Variants in SPATA7 observed in about 807,000 individuals in gnomAD.
SPATA7 encodes the protein spermatogenesis associated 7.
A neutral mutation model predicts 51.8 loss-of-function variants in SPATA7; 43 were observed. The ratio of observed to expected loss-of-function variants is 0.83; its 90% confidence interval spans 0.65 to 1.07. SPATA7 has a LOEUF of 1.07. SPATA7 is among the 50% of genes least tolerant of loss of function. SPATA7 has a pLI of 0.00. For synonymous variants in SPATA7, 230 were observed against 252.8 expected (o/e 0.91, Z 0.86); for missense variants, 683 against 701.3 (o/e 0.97, Z 0.30).
intron 4 of SPATA7, chr14:88,467,529 A>G (rs2077383402): frequency 6.6e-6 from 1 of 152,292 alleles, no homozygotes; most frequent in Non-Finnish European, 1.5e-5. Flanking sequence ...TCTGGATAGA[A>G]AAATCCTTTT....
At chr14:88,408,163 T>G (rs1041552626) in intron 4 of SPATA7, among the ~76,000 whole-genome samples, 4 of 152,208 alleles carry the variant, frequency 2.6e-5, no homozygotes, top group Middle Eastern at 3.2e-3. Flanking sequence ...AATGGTAGTT[T>G]GATGGGGATA....
At chr14:88,442,673 C>T (rs1469217741), downstream of SPATA7, among the ~76,000 whole-genome samples, 1 of 152,078 alleles carries the variant, frequency 6.6e-6, no homozygotes, top group Non-Finnish European at 1.5e-5. Flanking sequence ...TTTTGATATG[C>T]TGTTGGATTC....
chr14:88,435,310 C>G (rs1196869818), intron 10 of SPATA7, among the ~76,000 whole-genome samples: 1 of 151,968 alleles, frequency 6.6e-6, no homozygotes, highest in Non-Finnish European at 1.5e-5. Context: ...TTGTGAGGTA[C>G]ACAGTAGGTA....
At position 88,414,286 on chromosome 14, in the gene SPATA7, G is replaced by A. The variant is rs192171170; in HGVS notation, c.239-2425G>A. ...TCAATTTCTTCTGAATTCAATATTG[G>A]GAAATTGTATGTTTCCAGAAATTTA... On this transcript the variant is annotated intron_variant, in intron 4 of 11. Transcript: ENST00000393545. 2.1e-3 allele frequency among the ~76,000 whole-genome samples: 322 copies of A among 151,938 alleles called. 1 individual carries two copies. Among genetic ancestry groups the A allele is most frequent in the African/African-American group, 7.4e-3 (308 of 41,442 alleles).
At chr14:88,426,129 T>C in intron 5 of SPATA7, 103 bp from the exon 6 acceptor site, 1 of 822,126 alleles carries the variant, frequency 1.2e-6, no homozygotes. Flanking sequence ...TCAGTTAATT[T>C]TGTAAACCCT....
downstream of SPATA7, among the ~76,000 whole-genome samples, chr14:88,459,036 G>A (rs1291225313): frequency 6.6e-6 from 1 of 152,202 alleles, no homozygotes; most frequent in Middle Eastern, 3.2e-3. Context: ...GCGGTTTTGA[G>A]TGAGTTTCTT....
chr14:88,417,206 T>C (rs111719275), intron 5 of SPATA7, among the ~76,000 whole-genome samples: 228 of 142,276 alleles, frequency 1.6e-3, no homozygotes, highest in Admixed American at 3.4e-3. Context: ...GTTTTTTTTT[T>C]CCCTTTCTCC....
At chr14:88,454,186 T>C (rs2077269436) in intron 3 of SPATA7, among the ~76,000 whole-genome samples, 1 of 152,194 alleles carries the variant, frequency 6.6e-6, no homozygotes, top group Admixed American at 6.5e-5. Flanking sequence ...CACATTCCTC[T>C]TGGAGGCTGT....
At chr14:88,438,502 C>T, downstream of SPATA7, 1 of 1,134,588 alleles carries the variant, frequency 8.8e-7, no homozygotes, top group Non-Finnish European at 1.3e-6. Flanking sequence ...TATAAGATTT[C>T]TCTATTGGTT....
chr14:88,444,497 C>G (rs2077198566), intron 3 of SPATA7, among the ~76,000 whole-genome samples: 1 of 151,164 alleles, frequency 6.6e-6, no homozygotes, highest in Admixed American at 6.6e-5. Flanking sequence ...AATTAGATCC[C>G]ATTTGTCAAT....
chr14:88,408,872 G>A (rs1158820790), intron 4 of SPATA7, among the ~76,000 whole-genome samples: 1 of 152,136 alleles, frequency 6.6e-6, no homozygotes, highest in African/African-American at 2.4e-5. Context: ...TAATCCTGTG[G>A]TTTTTGTCAT....
At chr14:88,460,710 G>A (rs1397349584) in intron 4 of SPATA7, among the ~76,000 whole-genome samples, 1 of 152,106 alleles carries the variant, frequency 6.6e-6, no homozygotes, top group East Asian at 1.9e-4. Context: ...CTCTCAACTT[G>A]TCAAAGTCAT....
chr14:88,409,321 G>GCA (rs2076278456), intron 4 of SPATA7, among the ~76,000 whole-genome samples: 3 of 152,082 alleles, frequency 2.0e-5, no homozygotes, highest in African/African-American at 7.2e-5. Context: ...TTAGTCTCAG[G>GCA]AGGATGTATG....
At chr14:88,468,345 C>A in intron 4 of SPATA7, 1 of 1,388,896 alleles carries the variant, frequency 7.2e-7, no homozygotes, top group Non-Finnish European at 9.7e-7. Flanking sequence ...AGTGTCCTGG[C>A]AGAAACCTGG....
chr14:88,403,514 A>G (rs1054665229), intron 4 of SPATA7, among the ~76,000 whole-genome samples: 10 of 152,204 alleles, frequency 6.6e-5, no homozygotes, highest in Non-Finnish European at 1.0e-4. Context: ...TTTATAACAT[A>G]CACAGACACA....
At chr14:88,427,797 TTGG>T in intron 7 of SPATA7, 101 bp downstream of exon 7, 1 of 870,498 alleles carries the variant, frequency 1.1e-6, no homozygotes, top group Admixed American at 1.9e-5. Context: ...GAATAATCTG[TTGG>T]TGGCACTTAT....
At chr14:88,393,715 T>TA in intron 3 of SPATA7, 1 of 370,528 alleles carries the variant, frequency 2.7e-6, no homozygotes, top group African/African-American at 2.1e-5. Flanking sequence ...TTTCGTTTTT[T>TA]ATCTCTATTG....
intron 8 of SPATA7, 99 bp from the exon 9 acceptor site, chr14:88,431,073 G>T: frequency 9.3e-7 from 1 of 1,076,942 alleles, no homozygotes. Context: ...AAACATCTAA[G>T]ATAAGGGCTA....
At chr14:88,409,744 T>C (rs1041228153) in intron 4 of SPATA7, among the ~76,000 whole-genome samples, 6 of 152,212 alleles carry the variant, frequency 3.9e-5, no homozygotes, top group African/African-American at 1.4e-4. Flanking sequence ...TAAATATCCC[T>C]CTAAACACTG....
Sources: gnomAD v4.1 joint callset for allele counts (sites outside exome capture counted in the v4.1 genomes callset) on GRCh38, gnomAD v4.1.1 for gene constraint, MANE v1.5 for transcripts, NCBI Gene and HGNC (gene_info 2026-07-23, HGNC 2026-07-21) for gene names.